The following ITGAE variants were observed in gnomAD, a reference collection of about 807,000 sequenced individuals.
The protein encoded by ITGAE is integrin alpha-E.
A neutral mutation model predicts 136.5 loss-of-function variants in ITGAE; 99 were observed. The observed-to-expected ratio is 0.73, with a 90% CI of 0.62 to 0.86. ITGAE has a LOEUF of 0.86. Ranked by LOEUF, ITGAE falls within the 40% of genes least tolerant of loss-of-function variation. ITGAE has a pLI of 0.00. For missense variants in ITGAE, 1,447 were observed against 1,515.3 expected, an observed-to-expected ratio of 0.95 and a Z score of 0.75; for synonymous variants, 613 against 591.8, an observed-to-expected ratio of 1.04 and a Z score of -0.52.
rs370988794 is a variant in ITGAE, at chr17:3,732,547, A to G, written c.2656-81T>C. On this transcript the variant is annotated intron_variant, in intron 21 of 30. Coordinates refer to ENST00000263087, the MANE Select transcript of ITGAE (RefSeq NM_002208.5). ...CGTGGTTTCCTCACAGCAATTCAGC[A>G]AACATTCACTAATTTTTCTGCCTGT... 130 of 1,175,714 alleles carry G rather than the reference A, an allele frequency of 1.1e-4. No individual in the cohort carries two copies. In the East Asian group the frequency reaches 2.5e-3, roughly 23 times the overall value. 72.8% of individuals were successfully genotyped at this position (1,175,714 alleles called of 1,614,324 possible). A position where few individuals can be genotyped will look rare whatever the true frequency, so the allele number is the denominator to read the frequency against.
At chr17:3,771,056 C>T (rs1158738118) in intron 2 of ITGAE, among the ~76,000 whole-genome samples, 1 of 151,466 alleles carries the variant, frequency 6.6e-6, no homozygotes, top group Non-Finnish European at 1.5e-5. Context: ...TATGCCCTCC[C>T]CAAAAATGAG....
rs1352899121 is a variant in ITGAE at position 3,798,577 on chromosome 17, G to A, written c.34+2534C>T. On this transcript the variant is annotated intron_variant, in intron 1 of 30. Transcript: ENST00000263087. The surrounding 1 kb of genome is among the most constrained non-coding windows in gnomAD (Gnocchi z 4.3). ...ATGCTACAGTCTCCCACTCCCCAAG[G>A]ACTGAGGTTTTCTATCACGCACAGG... Among the ~76,000 whole-genome samples the A allele has an allele frequency of 1.3e-5, 2 of 152,168 alleles. No individual in the cohort carries two copies. The highest frequency in any genetic ancestry group is 2.9e-5 in the Non-Finnish European group (2 of 68,020).
intron 13 of ITGAE, 53 bp downstream of exon 13, chr17:3,753,730 G>A: frequency 1.2e-6 from 2 of 1,601,644 alleles, no homozygotes; most frequent in Non-Finnish European, 1.7e-6. Flanking sequence ...TCCCTTGGGG[G>A]CCTCCAGATT....
chr17:3,765,196 A>C (rs1015739584), intron 2 of ITGAE, among the ~76,000 whole-genome samples: 6 of 151,298 alleles, frequency 4.0e-5, no homozygotes, highest in Non-Finnish European at 8.8e-5. Flanking sequence ...AAAAATACAA[A>C]AAATTAGCCG....
Position 3,733,545 on chromosome 17 carries a change from C to T in ITGAE, c.2656-1079G>A, listed in dbSNP as rs142683297. On this transcript the variant is annotated intron_variant, in intron 21 of 30. Coordinates refer to ENST00000263087, the MANE Select transcript of ITGAE (RefSeq NM_002208.5). ...AAGTGATTCTCGTGCCTCAGCCTCC[C>T]GAGTAGCTGGGATTACAGGTGTACA... 2.3e-4 allele frequency among the ~76,000 whole-genome samples: 35 copies of T among 152,250 alleles called. No individual in the cohort carries two copies. In the Middle Eastern group the frequency reaches 0.02, roughly 89 times the overall value.
chr17:3,743,484 G>A lies in ITGAE; in HGVS notation c.2448+5C>T. Reference sequence around the variant, plus strand: ...GGGCTGGGTACTGGCTGTGGGTAGAGTCACCTGGAAGATGGCAAAGGGCTC... The same window carrying A: ...GGGCTGGGTACTGGCTGTGGGTAGAATCACCTGGAAGATGGCAAAGGGCTC... On this transcript the variant is annotated splice_donor_5th_base_variant and intron_variant, in intron 19 of 30. Transcript: ENST00000263087. The A allele has an allele frequency of 3.8e-6, 6 of 1,588,808 alleles. No homozygotes were observed. The highest frequency in any genetic ancestry group is 5.1e-6 in the Non-Finnish European group (6 of 1,170,382).
At chr17:3,744,406 G>A (rs978181221) in intron 18 of ITGAE, among the ~76,000 whole-genome samples, 25 of 151,470 alleles carry the variant, frequency 1.7e-4, no homozygotes, top group African/African-American at 4.6e-4. Context: ...AGACAGAAGG[G>A]AAGAGTCACA....
intron 2 of ITGAE, among the ~76,000 whole-genome samples, chr17:3,772,336 C>A (rs376699878): frequency 2.0e-5 from 3 of 152,156 alleles, no homozygotes; most frequent in African/African-American, 7.2e-5. Flanking sequence ...AGGCAGTGAC[C>A]ATGTCTCCCT....
chr17:3,725,531 C>T (rs1286343222), intron 26 of ITGAE: 2 of 1,614,068 alleles, frequency 1.2e-6, no homozygotes, highest in African/African-American at 2.7e-5. Flanking sequence ...TTGAGGAAAT[C>T]CTGCCAGAGA....
At chr17:3,750,085 A>AT (rs1482278276) in intron 16 of ITGAE, among the ~76,000 whole-genome samples, 1 of 152,228 alleles carries the variant, frequency 6.6e-6, no homozygotes, top group East Asian at 1.9e-4. Context: ...AATACTTTGT[A>AT]TATATTCGCT....
At chr17:3,777,445 G>A in intron 2 of ITGAE, 95 bp downstream of exon 2, 1 of 1,448,070 alleles carries the variant, frequency 6.9e-7, no homozygotes, top group South Asian at 1.3e-5. Flanking sequence ...CTGACGGTGG[G>A]GTGGGGTGGG....
chr17:3,723,797 T>A (rs1480729666), intron 26 of ITGAE, 53 bp from the exon 27 acceptor site: 1 of 1,593,670 alleles, frequency 6.3e-7, no homozygotes, highest in Non-Finnish European at 8.5e-7. Context: ...CCGCCAGTTT[T>A]CCGTCCCGTC....
rs972292791 is a variant in ITGAE at position 3,798,683 on chromosome 17, CCTT to C, written c.34+2425_34+2427del. ...CAGAGCGGGCCCTGGACTTCTGGTT[CCTT>C]CTTCTTCACCCCTGTAAGGTGTTGT... On this transcript the variant is annotated intron_variant, in intron 1 of 30. Transcript: ENST00000263087. This position sits in a 1 kb window ranked among gnomAD's most constrained non-coding sequence, Gnocchi z 4.3. 4.7e-4 allele frequency among the ~76,000 whole-genome samples: 72 copies of C among 152,320 alleles called. No homozygotes were observed. The highest frequency in any genetic ancestry group is 3.4e-3 in the Middle Eastern group (1 of 294).
At chr17:3,771,541 T>G (rs1339745611) in intron 2 of ITGAE, among the ~76,000 whole-genome samples, 1 of 149,960 alleles carries the variant, frequency 6.7e-6, no homozygotes, top group Admixed American at 6.6e-5. Context: ...TCTCTTTTTT[T>G]TTTTTTTTTT....
chr17:3,726,107 C>G, intron 26 of ITGAE: 1 of 1,614,170 alleles, frequency 6.2e-7, no homozygotes, highest in Non-Finnish European at 8.5e-7. Flanking sequence ...TCTACAGGCT[C>G]ATGAAGAAGG....
intron 28 of ITGAE, among the ~76,000 whole-genome samples, chr17:3,722,830 CA>C (rs2051084747): frequency 1.3e-5 from 2 of 152,154 alleles, no homozygotes; most frequent in South Asian, 4.1e-4. Context: ...GGGAATGGCA[CA>C]ATCTAATGTC....
At chr17:3,749,233 G>C (rs984286972) in intron 16 of ITGAE, among the ~76,000 whole-genome samples, 2 of 152,052 alleles carry the variant, frequency 1.3e-5, no homozygotes, top group African/African-American at 4.8e-5. Flanking sequence ...AATGAAGGGT[G>C]GGGGGAGATA....
chr17:3,732,907 G>A (rs1454356464), intron 21 of ITGAE, among the ~76,000 whole-genome samples: 1 of 152,172 alleles, frequency 6.6e-6, no homozygotes, highest in Non-Finnish European at 1.5e-5. Context: ...GGTGATGACT[G>A]CAGTGAGTTT....
intron 20 of ITGAE, among the ~76,000 whole-genome samples, chr17:3,739,310 C>T (rs961886652): frequency 1.3e-5 from 2 of 152,236 alleles, no homozygotes; most frequent in Non-Finnish European, 2.9e-5. Context: ...TTACCATCTT[C>T]TCCCCCTAAG....
Sources: gnomAD v4.1 joint callset for allele counts (sites outside exome capture counted in the v4.1 genomes callset) on GRCh38, gnomAD v4.1.1 for gene constraint, Gnocchi (gnomAD v3.1) non-coding constraint, MANE v1.5 for transcripts, NCBI Gene and HGNC (gene_info 2026-07-23, HGNC 2026-07-21) for gene names.